Variants in PPM1E observed in about 807,000 individuals in gnomAD.
The protein encoded by PPM1E is protein phosphatase, Mg2+/Mn2+ dependent 1E.
In PPM1E, 20 loss-of-function variants were observed where a neutral mutation model predicts 65.9. That is an observed-to-expected ratio of 0.30 (90% CI 0.21 to 0.44). The LOEUF is 0.44. PPM1E is among the 20% of genes least tolerant of loss of function. The pLI, the probability that PPM1E is intolerant of heterozygous loss-of-function variation, is 1.00. For missense variants in PPM1E, 713 were observed against 953.1 expected (o/e 0.75, Z 3.32); for synonymous variants, 352 against 374.9 (o/e 0.94, Z 0.70).
At chr17:58,975,222 T>C (rs932534403) in intron 6 of PPM1E, among the ~76,000 whole-genome samples, 15 of 152,276 alleles carry the variant, frequency 9.9e-5, no homozygotes, top group Non-Finnish European at 1.9e-4. Flanking sequence ...CACCTATTTC[T>C]CCTGATCTGA....
intron 1 of PPM1E, among the ~76,000 whole-genome samples, chr17:58,805,246 G>A (rs2050294406): frequency 6.6e-6 from 1 of 151,930 alleles, no homozygotes; most frequent in Admixed American, 6.6e-5. Context: ...CCAATGTGTA[G>A]TCTTTCTTTT....
chr17:58,959,378 TAC>T (rs2029959116), intron 2 of PPM1E, among the ~76,000 whole-genome samples: 1 of 146,916 alleles, frequency 6.8e-6, no homozygotes, highest in Admixed American at 6.8e-5. Flanking sequence ...GGCGGGCGGA[TAC>T]CGAGGTCAGG....
intron 1 of PPM1E, among the ~76,000 whole-genome samples, chr17:58,950,586 C>T (rs1416226636): frequency 6.6e-6 from 1 of 152,060 alleles, no homozygotes; most frequent in African/African-American, 2.4e-5. Flanking sequence ...AATGGTGTCC[C>T]ATAAATCCTA....
At chr17:58,822,272 G>GAGC (rs1432137615) in intron 1 of PPM1E, among the ~76,000 whole-genome samples, 4 of 152,140 alleles carry the variant, frequency 2.6e-5, no homozygotes, top group African/African-American at 7.2e-5. Context: ...TATAAAATAT[G>GAGC]AGCAGCAGTG....
intron 1 of PPM1E, among the ~76,000 whole-genome samples, chr17:58,803,416 A>G (rs2050276640): frequency 6.6e-6 from 1 of 152,182 alleles, no homozygotes; most frequent in Admixed American, 6.5e-5. Flanking sequence ...CTTGCATCTC[A>G]GGGATAAATC....
chr17:58,853,843 G>T (rs758514606), intron 1 of PPM1E, among the ~76,000 whole-genome samples: 1 of 151,936 alleles, frequency 6.6e-6, no homozygotes, highest in Non-Finnish European at 1.5e-5. Context: ...AAAAAGAAAA[G>T]AAAGTGTGAA....
chr17:58,850,752 G>T (rs2050818690), intron 1 of PPM1E, among the ~76,000 whole-genome samples: 1 of 152,088 alleles, frequency 6.6e-6, no homozygotes, highest in Admixed American at 6.5e-5. Flanking sequence ...ACAATTATGT[G>T]TCTTGGAGTT....
chr17:58,807,223 A>AT (rs2050324546), intron 1 of PPM1E, among the ~76,000 whole-genome samples: 4 of 152,070 alleles, frequency 2.6e-5, no homozygotes, highest in Admixed American at 6.6e-5. Flanking sequence ...GATTTTTTGG[A>AT]TTTTTTAAAA....
Position 58,969,559 on chromosome 17 carries a change from C to T in PPM1E, c.804C>T (p.Tyr268=), listed in dbSNP as rs375628957. The T allele has an allele frequency of 2.0e-5, 33 of 1,614,030 alleles. No individual in the cohort carries two copies. In the African/African-American group the frequency reaches 4.0e-4, roughly 20 times the overall value. ...GACAGGACCAGGAAGAACAAGCTTA[C>T]TTTGCAGTGTTTGATGGCCATGGGG... ...FNLEDQEEQA[Y]FAVFDGHGGV... The change falls in exon 4 of 7, where the codon TAC becomes TAT. Residue 268 remains tyrosine (Y), a synonymous_variant. Coordinates refer to ENST00000308249, the MANE Select transcript of PPM1E (RefSeq NM_014906.5).
At position 58,805,259 on chromosome 17, in the gene PPM1E, CT is replaced by C. The variant is rs1259729878; in HGVS notation, c.464+48806del. 4.6e-5 allele frequency among the ~76,000 whole-genome samples: 7 copies of C among 151,686 alleles called. No individual in the cohort carries two copies. The East Asian group carries it at 1.4e-3, about 29-fold the overall frequency. On this transcript the variant is annotated intron_variant, in intron 1 of 6. Transcript: ENST00000308249. ...ACCCAATGTGTAGTCTTTCTTTTTT[CT>C]TTTTTTTGATACAGAGTTTCACTCT...
chr17:58,845,830 G>A (rs1182827887), intron 1 of PPM1E, among the ~76,000 whole-genome samples: 1 of 152,094 alleles, frequency 6.6e-6, no homozygotes, highest in Non-Finnish European at 1.5e-5. Flanking sequence ...ACAGGCGTGC[G>A]CCATCACACC....
At chr17:58,773,778 T>C (rs968979798) in intron 1 of PPM1E, among the ~76,000 whole-genome samples, 3 of 152,118 alleles carry the variant, frequency 2.0e-5, no homozygotes, top group Non-Finnish European at 4.4e-5. Context: ...TTATCTCGAG[T>C]GTTTTGTTAA....
At chr17:58,882,529 T>TG (rs1961802064) in intron 1 of PPM1E, among the ~76,000 whole-genome samples, 1 of 152,110 alleles carries the variant, frequency 6.6e-6, no homozygotes, top group Non-Finnish European at 1.5e-5. Flanking sequence ...TAGCTGGGAT[T>TG]ACAAGTGCGT....
chr17:58,936,117 G>A (rs2051977094), intron 1 of PPM1E, among the ~76,000 whole-genome samples: 1 of 152,000 alleles, frequency 6.6e-6, no homozygotes, highest in South Asian at 2.1e-4. Context: ...GAGAATCGGT[G>A]GTGTGTGGGC....
intron 1 of PPM1E, among the ~76,000 whole-genome samples, chr17:58,779,283 C>G (rs1395269519): frequency 1.3e-5 from 2 of 149,316 alleles, no homozygotes; most frequent in Non-Finnish European, 3.0e-5. Context: ...TCAAGCAATT[C>G]TCCTGCTCCT....
intron 1 of PPM1E, among the ~76,000 whole-genome samples, chr17:58,860,053 T>C (rs1384235496): frequency 6.6e-6 from 1 of 152,192 alleles, no homozygotes. Flanking sequence ...GTGGCTGTCA[T>C]TTAGGGCCTT....
intron 1 of PPM1E, among the ~76,000 whole-genome samples, chr17:58,764,105 ATAT>A (rs1219875701): frequency 6.6e-6 from 1 of 151,884 alleles, no homozygotes. Flanking sequence ...CCATATTAAG[ATAT>A]TATTAATAAA....
At chr17:58,849,247 A>T (rs552790363) in intron 1 of PPM1E, among the ~76,000 whole-genome samples, 9 of 151,960 alleles carry the variant, frequency 5.9e-5, no homozygotes, top group Non-Finnish European at 1.2e-4. Flanking sequence ...ATTTTTTTGA[A>T]GGGTGTTTTG....
At chr17:58,762,399 G>A (rs2049829614) in intron 1 of PPM1E, among the ~76,000 whole-genome samples, 1 of 151,958 alleles carries the variant, frequency 6.6e-6, no homozygotes, top group African/African-American at 2.4e-5. Context: ...GGAGGTTGAG[G>A]TTGCAGTGAA....
Sources: gnomAD v4.1 joint callset for allele counts (sites outside exome capture counted in the v4.1 genomes callset) on GRCh38, gnomAD v4.1.1 for gene constraint, MANE v1.5 for transcripts, NCBI Gene and HGNC (gene_info 2026-07-23, HGNC 2026-07-21) for gene names.